RAD54L: variants seen among roughly 807,000 people sequenced by gnomAD.
RAD54L encodes DNA repair and recombination protein RAD54-like.
RAD54L carries 74 observed loss-of-function variants against 91.6 expected under a neutral mutation model. The ratio of observed to expected loss-of-function variants is 0.81; its 90% confidence interval spans 0.67 to 0.98. The LOEUF (loss-of-function observed/expected upper bound fraction) is 0.98. Ranked by LOEUF, RAD54L falls within the 50% of genes least tolerant of loss-of-function variation. The probability of loss-of-function intolerance (pLI) is 0.00; values close to 1 mark genes in which losing one functional copy is unlikely to be tolerated. For missense variants in RAD54L, 887 were observed against 945.7 expected (o/e 0.94, Z 0.81); for synonymous variants, 304 against 349.7 (o/e 0.87, Z 1.46).
chr1:46,274,413 A>T, intron 15 of RAD54L, 125 bp from the exon 16 acceptor site: 1 of 1,332,894 alleles, frequency 7.5e-7, no homozygotes, highest in Non-Finnish European at 1.1e-6. Context: ...GTGAGCAGAT[A>T]AACTGGTGGT....
At chr1:46,267,364 T>G in intron 8 of RAD54L, 95 bp from the exon 9 acceptor site, 1 of 1,561,472 alleles carries the variant, frequency 6.4e-7, no homozygotes, top group Non-Finnish European at 8.8e-7. Flanking sequence ...GCGCCCGGCC[T>G]GGAATGTTTT....
intron 15 of RAD54L, among the ~76,000 whole-genome samples, 155 bp downstream of exon 15, chr1:46,274,371 AACTG>A (rs1186266813): frequency 1.3e-5 from 2 of 152,092 alleles, no homozygotes; most frequent in African/African-American, 4.8e-5. Flanking sequence ...CTGGGCTGGA[AACTG>A]ACTGTGTGTG....
chr1:46,269,017 A>G (rs576503906), intron 9 of RAD54L, among the ~76,000 whole-genome samples: 5 of 152,206 alleles, frequency 3.3e-5, no homozygotes, highest in Non-Finnish European at 7.4e-5. Flanking sequence ...CTCTTGTATC[A>G]GCCTCCCAAA....
chr1:46,277,939 G>C lies in RAD54L; in HGVS notation c.1992G>C (p.Leu664=). 1 of 1,614,128 alleles carries C rather than the reference G, an allele frequency of 6.2e-7. No homozygotes were observed. The highest frequency in any genetic ancestry group is 1.1e-5 in the South Asian group (1 of 91,088). Residue 664 remains leucine, a synonymous_variant, in exon 17 of 18, where the codon CTG becomes CTC. Transcript: ENST00000371975. ...RHFSLGELKE[L]FILDEASLSD... is the part of the protein sequence containing the mutation. ...TCTCTCTGGGCGAGTTGAAGGAGCT[G>C]TTTATCCTGGATGAAGCTAGCCTCA... is the stretch of plus-strand genomic sequence containing the variant.
At position 46,261,298 on chromosome 1, in the gene RAD54L, T is replaced by C; in HGVS notation, c.804T>C (p.Ser268=). 6.2e-7 allele frequency: 1 copy of C among 1,613,788 alleles called. No homozygotes were observed. Among genetic ancestry groups the C allele is most frequent in the Non-Finnish European group, 8.5e-7 (1 of 1,179,934 alleles). Residue 268 remains serine, a synonymous_variant, in exon 8 of 18, where the codon TCT becomes TCC. Transcript: ENST00000371975. The part of the protein sequence containing the change: ...FMNQRGARVS[S]PILIISYETF... ...ACCAGCGTGGAGCCAGGGTGTCTTC[T>C]CCCATCCTCATCATTTCCTATGAGA... is the stretch of plus-strand genomic sequence containing the variant.
At chr1:46,273,515 G>T (rs1281221724) in intron 13 of RAD54L, 50 bp downstream of exon 13, 1 of 1,608,960 alleles carries the variant, frequency 6.2e-7, no homozygotes, top group Non-Finnish European at 8.5e-7. Context: ...GAGGGTGGGA[G>T]ATTTTTTTTT....
At chr1:46,256,228 G>C (rs1194478115) in intron 3 of RAD54L, among the ~76,000 whole-genome samples, 1 of 151,960 alleles carries the variant, frequency 6.6e-6, no homozygotes, top group Non-Finnish European at 1.5e-5. Context: ...GTGCCACAGT[G>C]CCTGGGTAAT....
intron 13 of RAD54L, 22 bp from the exon 14 acceptor site, chr1:46,273,602 T>A (rs778146356): frequency 8.1e-6 from 13 of 1,612,886 alleles, no homozygotes; most frequent in African/African-American, 1.3e-5. Context: ...AGTAGGGGAC[T>A]GCTGGTTGCT....
intron 16 of RAD54L, among the ~76,000 whole-genome samples, chr1:46,275,308 C>T (rs1660562044): frequency 6.6e-6 from 1 of 152,184 alleles, no homozygotes; most frequent in Admixed American, 6.5e-5. Context: ...TCTAATTATT[C>T]CTAAGATCAC....
chr1:46,274,184 G>C lies in RAD54L; in HGVS notation c.1657G>C (p.Ala553Pro), dbSNP rs780492690. 1.9e-6 allele frequency: 3 copies of C among 1,613,820 alleles called. No homozygotes were observed. Among genetic ancestry groups the C allele is most frequent in the Non-Finnish European group, 1.7e-6 (2 of 1,179,868 alleles). The change falls in exon 15 of 18, where the codon GCC becomes CCC. Residue 553 changes from alanine (A) to proline (P), a missense_variant. Ala to Pro is a conservative substitution (Grantham distance 27). Coordinates refer to ENST00000371975, the MANE Select transcript of RAD54L (RefSeq NM_003579.4). ...LDGTMSIKKR[A>P]KVVERFNSPS... ...TGGCACGATGTCCATTAAGAAGCGA[G>C]CCAAGGTTGTAGAACGCTTCAATAG...
chr1:46,277,727 G>A (rs1660654040), intron 16 of RAD54L, 90 bp from the exon 17 acceptor site: 2 of 1,416,310 alleles, frequency 1.4e-6, no homozygotes, highest in Non-Finnish European at 2.0e-6. Flanking sequence ...TCGGGTAGCT[G>A]TAGTTTCAAC....
chr1:46,267,545 T>C lies in RAD54L; in HGVS notation c.978T>C (p.Thr326=). ...GCCGGCGGGTGCTCATCTCCGGAAC[T>C]CCCATCCAGAATGATCTGCTTGAGT... ...NTSRRVLISG[T]PIQNDLLEYF... The change falls in exon 9 of 18, where the codon ACT becomes ACC. Residue 326 remains threonine, a synonymous_variant. Transcript: ENST00000371975. 1 of 1,613,610 alleles carries C rather than the reference T, an allele frequency of 6.2e-7. No individual in the cohort carries two copies.
At chr1:46,255,950 C>G (rs1236367753) in intron 3 of RAD54L, among the ~76,000 whole-genome samples, 1 of 152,164 alleles carries the variant, frequency 6.6e-6, no homozygotes, top group African/African-American at 2.4e-5. Context: ...GGCATAAATT[C>G]TTGGCTACTC....
rs762375927 is a variant in RAD54L at position 46,263,031 on chromosome 1, C to T, written c.891+1646C>T. 6.6e-6 allele frequency among the ~76,000 whole-genome samples: 1 copy of T among 151,952 alleles called. No individual in the cohort carries two copies. ...GAAATTATTAAGAAAAAGCTCTTAT[C>T]GCAGTGCCTGGTATGTCATAAGGCC... is the stretch of plus-strand genomic sequence containing the variant. On this transcript the variant is annotated intron_variant, in intron 8 of 17. Transcript: ENST00000371975. The surrounding 1 kb of genome is among the most constrained non-coding windows in gnomAD (Gnocchi z 4.3).
chr1:46,261,868 C>T (rs1660138404), intron 8 of RAD54L, among the ~76,000 whole-genome samples: 1 of 152,182 alleles, frequency 6.6e-6, no homozygotes, highest in African/African-American at 2.4e-5. Flanking sequence ...TGATTCACGC[C>T]TGTAATCCCA....
intron 9 of RAD54L, among the ~76,000 whole-genome samples, chr1:46,270,165 C>T (rs976305281): frequency 1.3e-5 from 2 of 151,976 alleles, no homozygotes; most frequent in African/African-American, 2.4e-5. Flanking sequence ...ATCAGGAGTT[C>T]GAGACCAGCG....
At chr1:46,272,419 C>T in intron 10 of RAD54L, 47 bp from the exon 11 acceptor site, 6 of 1,473,388 alleles carry the variant, frequency 4.1e-6, no homozygotes, top group Non-Finnish European at 5.7e-6. Context: ...CAGTAGTTAG[C>T]ATGGCAATTT....
chr1:46,258,958 G>A (rs1437039510), intron 4 of RAD54L, among the ~76,000 whole-genome samples: 3 of 152,148 alleles, frequency 2.0e-5, no homozygotes, highest in South Asian at 4.1e-4. Context: ...CATCTTCTTG[G>A]TAGAGGTGTC....
chr1:46,277,432 T>C (rs930861018), intron 16 of RAD54L: 22 of 316,696 alleles, frequency 6.9e-5, no homozygotes, highest in Non-Finnish European at 1.1e-4. Context: ...GATTCTTTTT[T>C]GTATGCTAAT....
Sources: allele counts gnomAD v4.1 joint callset (sites outside exome capture counted in the v4.1 genomes callset), GRCh38; gene constraint gnomAD v4.1.1; non-coding constraint Gnocchi (gnomAD v3.1); transcripts MANE v1.5; gene names NCBI Gene and HGNC (gene_info 2026-07-23, HGNC 2026-07-21).